The following SKAP1 variants were observed in gnomAD, a reference collection of about 807,000 sequenced individuals.
SKAP1 encodes src kinase-associated phosphoprotein 1.
In SKAP1, 44 loss-of-function variants were observed where a neutral mutation model predicts 58.5. That is an observed-to-expected ratio of 0.75 (90% CI 0.59 to 0.97). The LOEUF (loss-of-function observed/expected upper bound fraction) is 0.97, where lower values mean the gene tolerates loss of function less well. SKAP1 is among the 50% of genes least tolerant of loss of function. SKAP1 has a pLI of 0.00. For synonymous variants in SKAP1, 127 were observed against 149.7 expected (o/e 0.85, Z 1.11); for missense variants, 390 against 435.2 (o/e 0.90, Z 0.92).
At chr17:48,367,451 A>G (rs967612627) in intron 2 of SKAP1, among the ~76,000 whole-genome samples, 12 of 151,104 alleles carry the variant, frequency 7.9e-5, no homozygotes, top group African/African-American at 2.9e-4. Flanking sequence ...TAACCATGTA[A>G]GCCATGTAAG....
intron 4 of SKAP1, among the ~76,000 whole-genome samples, chr17:48,225,845 G>A (rs1217351048): frequency 6.6e-6 from 1 of 152,136 alleles, no homozygotes; most frequent in African/African-American, 2.4e-5. Context: ...AGTTGAGAGA[G>A]ATGAGTAAAG....
chr17:48,137,229 C>T lies in SKAP1; in HGVS notation c.*7G>A. On this transcript the variant is annotated splice_region_variant and 3_prime_UTR_variant, in exon 12 of 13. Coordinates refer to ENST00000336915, the MANE Select transcript of SKAP1 (RefSeq NM_003726.4). ...AGTTCATTGGCCATGGTTCTGATAC[C>T]TGGGTTTCATCTTTCTTCCACTTCA... The T allele has an allele frequency of 6.2e-7, 1 of 1,603,070 alleles. No individual in the cohort carries two copies. Among genetic ancestry groups the T allele is most frequent in the East Asian group, 2.2e-5 (1 of 44,794 alleles).
chr17:48,168,278 G>A (rs775265545), intron 10 of SKAP1, among the ~76,000 whole-genome samples: 1 of 152,138 alleles, frequency 6.6e-6, no homozygotes, highest in Non-Finnish European at 1.5e-5. Context: ...AAGTAACTCT[G>A]CTAGCCATAG....
intron 2 of SKAP1, among the ~76,000 whole-genome samples, chr17:48,371,689 C>T (rs2067088651): frequency 1.2e-5 from 1 of 84,232 alleles, no homozygotes; most frequent in Non-Finnish European, 2.3e-5. Flanking sequence ...AAAAAAAAGC[C>T]AGGCATGGTG....
At chr17:48,143,489 C>A (rs1210990509) in intron 11 of SKAP1, among the ~76,000 whole-genome samples, 2 of 151,936 alleles carry the variant, frequency 1.3e-5, no homozygotes, top group African/African-American at 4.8e-5. Context: ...TGGGATTATA[C>A]CCTGCCCAGC....
Position 48,150,062 on chromosome 17 carries a change from G to A in SKAP1, c.978+12407C>T, listed in dbSNP as rs532606038. Among the ~76,000 whole-genome samples, 158 of 152,268 alleles carry A rather than the reference G, an allele frequency of 1.0e-3. 4 individuals are homozygous for A. In the South Asian group the frequency reaches 0.03, roughly 29 times the overall value. ...TTAAAGTACTGCACTCTTGTTGGAC[G>A]GAAATTAGCAGCGATTGAAATTAAC... is the stretch of plus-strand genomic sequence containing the variant. On this transcript the variant is annotated intron_variant, in intron 11 of 12. Coordinates refer to ENST00000336915, the MANE Select transcript of SKAP1 (RefSeq NM_003726.4).
At chr17:48,243,860 A>T (rs915161319) in intron 4 of SKAP1, among the ~76,000 whole-genome samples, 3 of 152,202 alleles carry the variant, frequency 2.0e-5, no homozygotes, top group African/African-American at 7.2e-5. Context: ...TAAGAAAGGA[A>T]TCATTTCATT....
intron 10 of SKAP1, among the ~76,000 whole-genome samples, chr17:48,170,113 T>C (rs1160687037): frequency 6.6e-6 from 1 of 152,242 alleles, no homozygotes; most frequent in African/African-American, 2.4e-5. Context: ...CATTTCCAAA[T>C]GTGCCTGGAA....
intron 6 of SKAP1, 178 bp from the exon 7 acceptor site, chr17:48,185,025 A>G (rs1007300488): frequency 2.4e-5 from 14 of 574,066 alleles, no homozygotes; most frequent in Middle Eastern, 4.6e-4. Context: ...AGTAAGGCAG[A>G]TATCACTGCC....
At chr17:48,406,467 A>T (rs2067586453) in intron 1 of SKAP1, among the ~76,000 whole-genome samples, 2 of 150,252 alleles carry the variant, frequency 1.3e-5, no homozygotes, top group South Asian at 4.3e-4. Flanking sequence ...GCAGTGGCAC[A>T]ATCACGGCTC....
chr17:48,311,083 C>T (rs531590954), intron 4 of SKAP1, among the ~76,000 whole-genome samples: 11 of 152,178 alleles, frequency 7.2e-5, no homozygotes, highest in Admixed American at 7.2e-4. Context: ...CAGGTCAGAC[C>T]CCGGGATCGG....
intron 4 of SKAP1, among the ~76,000 whole-genome samples, chr17:48,237,669 G>A (rs948778542): frequency 3.3e-5 from 5 of 152,164 alleles, no homozygotes; most frequent in Admixed American, 2.6e-4. Flanking sequence ...ATGGCAATCC[G>A]ACAAAGAGGT....
At chr17:48,359,361 A>G (rs1010433576) in intron 3 of SKAP1, among the ~76,000 whole-genome samples, 3 of 152,154 alleles carry the variant, frequency 2.0e-5, no homozygotes, top group African/African-American at 7.2e-5. Context: ...AAAATTAACC[A>G]TAATACCACT....
intron 2 of SKAP1, 29 bp downstream of exon 2, chr17:48,396,651 G>T (rs1386465415): frequency 2.2e-6 from 3 of 1,367,956 alleles, no homozygotes; most frequent in African/African-American, 2.9e-5. Flanking sequence ...AGCTTATGAA[G>T]AAGATTAATG....
At chr17:48,408,077 A>C (rs1438401373) in intron 1 of SKAP1, among the ~76,000 whole-genome samples, 1 of 152,216 alleles carries the variant, frequency 6.6e-6, no homozygotes, top group Non-Finnish European at 1.5e-5. Context: ...AAGTGGTAAG[A>C]GTTCAAGTGC....
intron 9 of SKAP1, among the ~76,000 whole-genome samples, chr17:48,173,398 A>G (rs1443807850): frequency 6.6e-6 from 1 of 152,206 alleles, no homozygotes; most frequent in Non-Finnish European, 1.5e-5. Flanking sequence ...GAAATCAAAT[A>G]TAGGAAACAG....
intron 1 of SKAP1, among the ~76,000 whole-genome samples, chr17:48,427,391 C>G (rs2067865759): frequency 6.6e-6 from 1 of 152,156 alleles, no homozygotes; most frequent in Non-Finnish European, 1.5e-5. Context: ...AACCATCACC[C>G]TGAGTCTCCC....
chr17:48,154,333 C>T lies in SKAP1; in HGVS notation c.978+8136G>A, dbSNP rs554246469. On this transcript the variant is annotated intron_variant, in intron 11 of 12. Transcript: ENST00000336915. ...CCATCTGACAGCATCACGTGTTCCA[C>T]GCTAAACTTGACTTTGTCTGTATGG... Among the ~76,000 whole-genome samples the T allele has an allele frequency of 8.5e-5, 13 of 152,340 alleles. No homozygotes were observed. In the East Asian group the frequency reaches 2.1e-3, roughly 25 times the overall value.
At chr17:48,229,362 T>C (rs1454891610) in intron 4 of SKAP1, among the ~76,000 whole-genome samples, 1 of 152,198 alleles carries the variant, frequency 6.6e-6, no homozygotes, top group Non-Finnish European at 1.5e-5. Context: ...GGCTCACACC[T>C]GTAATCCCAG....
Sources: allele counts gnomAD v4.1 joint callset (sites outside exome capture counted in the v4.1 genomes callset), GRCh38; gene constraint gnomAD v4.1.1; transcripts MANE v1.5; gene names NCBI Gene and HGNC (gene_info 2026-07-23, HGNC 2026-07-21).